The following MYO5B variants were observed in gnomAD, a reference collection of about 807,000 sequenced individuals.
MYO5B encodes the protein myosin VB.
In MYO5B, 143 loss-of-function variants were observed where a neutral mutation model predicts 229.3. The observed-to-expected ratio is 0.62, with a 90% confidence interval of 0.54 to 0.72. The LOEUF is 0.72. Ranked by LOEUF, MYO5B falls within the 30% of genes least tolerant of loss-of-function variation. MYO5B has a pLI of 0.00. For synonymous variants in MYO5B, 918 were observed against 885.2 expected (o/e 1.04, Z -0.66); for missense variants, 2,321 against 2,331.0 (o/e 1.00, Z 0.09).
intron 1 of MYO5B, among the ~76,000 whole-genome samples, chr18:50,061,898 G>A (rs1329196452): frequency 6.6e-6 from 1 of 152,148 alleles, no homozygotes; most frequent in Non-Finnish European, 1.5e-5. Context: ...AAGTATTTGA[G>A]TCATTTCAAC....
chr18:49,869,405 C>T (rs2024433410), intron 27 of MYO5B, among the ~76,000 whole-genome samples: 1 of 152,158 alleles, frequency 6.6e-6, no homozygotes, highest in African/African-American at 2.4e-5. Context: ...GTCCCCGGGA[C>T]CAGCCTCTGT....
chr18:50,126,107 C>T (rs1250819121), intron 1 of MYO5B, among the ~76,000 whole-genome samples: 1 of 152,092 alleles, frequency 6.6e-6, no homozygotes, highest in Non-Finnish European at 1.5e-5. Context: ...TGCCACTGAA[C>T]TGTATACTGA....
At chr18:50,043,874 G>T (rs981797388) in intron 2 of MYO5B, among the ~76,000 whole-genome samples, 2 of 151,566 alleles carry the variant, frequency 1.3e-5, no homozygotes, top group Non-Finnish European at 2.9e-5. Context: ...ATGATACAAT[G>T]GACTTTGGGG....
intron 10 of MYO5B, among the ~76,000 whole-genome samples, chr18:49,964,917 C>G (rs916818015): frequency 6.6e-6 from 1 of 152,200 alleles, no homozygotes; most frequent in African/African-American, 2.4e-5. Context: ...GGCAGGGGTC[C>G]TCCCTCAGGC....
intron 1 of MYO5B, among the ~76,000 whole-genome samples, chr18:50,175,965 C>T (rs899107416): frequency 1.3e-5 from 2 of 152,210 alleles, no homozygotes; most frequent in African/African-American, 4.8e-5. Flanking sequence ...ACATGAATTC[C>T]ACATGACAGC....
chr18:50,011,978 A>T (rs1430375045), intron 4 of MYO5B, among the ~76,000 whole-genome samples: 3 of 152,000 alleles, frequency 2.0e-5, no homozygotes, highest in African/African-American at 7.2e-5. Context: ...CAGCATAGGT[A>T]GTGTTCAGGG....
intron 18 of MYO5B, among the ~76,000 whole-genome samples, chr18:49,909,792 TTGTC>T (rs930677748): frequency 3.3e-5 from 5 of 152,118 alleles, no homozygotes; most frequent in African/African-American, 9.7e-5. Context: ...GAATACCACT[TTGTC>T]AGGCAGGCAA....
At chr18:50,037,034 A>C (rs2026456218) in intron 3 of MYO5B, 40 bp from the exon 4 acceptor site, 1 of 1,613,106 alleles carries the variant, frequency 6.2e-7, no homozygotes, top group Non-Finnish European at 8.5e-7. Flanking sequence ...ACAGCACAGA[A>C]GACACCTGGC....
At position 49,954,024 on chromosome 18, in the gene MYO5B, ATGTGTG is replaced by A. The variant is rs766610907; in HGVS notation, c.1668+283_1668+288del. 0.1 allele frequency among the ~76,000 whole-genome samples: 5,310 copies of A among 50,962 alleles called. 214 individuals carry two copies. Among genetic ancestry groups the A allele is most frequent in the African/African-American group, 0.19 (2,561 of 13,440 alleles). The allele number at this position is 50,962 out of a possible 152,430, so 33.4% of individuals were successfully genotyped here. A position where few individuals can be genotyped will look rare whatever the true frequency, so the allele number is the denominator to read the frequency against. ...GACATATATGTGTGTATGTATTTAT[ATGTGTG>A]TGTGTGTGTGTGTGTGTGTGTGTGT... On this transcript the variant is annotated intron_variant, in intron 13 of 39. Transcript: ENST00000285039.
chr18:49,864,712 T>C (rs1238805115), intron 27 of MYO5B, among the ~76,000 whole-genome samples: 1 of 152,242 alleles, frequency 6.6e-6, no homozygotes, highest in Non-Finnish European at 1.5e-5. Context: ...AAATGACATA[T>C]AGTAAACATA....
At chr18:50,036,599 C>T (rs974051418) in intron 4 of MYO5B, among the ~76,000 whole-genome samples, 1 of 152,130 alleles carries the variant, frequency 6.6e-6, no homozygotes, top group Non-Finnish European at 1.5e-5. Context: ...GGAATTTATT[C>T]CATTGCTCAA....
At chr18:49,861,335 G>T (rs1205149166) in intron 29 of MYO5B, among the ~76,000 whole-genome samples, 1 of 152,158 alleles carries the variant, frequency 6.6e-6, no homozygotes, top group Non-Finnish European at 1.5e-5. Context: ...CCTGACAACC[G>T]CTGCATGAAT....
At chr18:50,164,748 C>T (rs763327672) in intron 1 of MYO5B, among the ~76,000 whole-genome samples, 2 of 152,136 alleles carry the variant, frequency 1.3e-5, no homozygotes, top group African/African-American at 2.4e-5. Flanking sequence ...TCCCTCTTGC[C>T]ACCCCTCCAA....
intron 1 of MYO5B, among the ~76,000 whole-genome samples, chr18:50,079,532 C>T (rs1440861050): frequency 6.6e-6 from 1 of 152,186 alleles, no homozygotes; most frequent in Non-Finnish European, 1.5e-5. Context: ...GAGGCAGAGC[C>T]CTTCCCTCAA....
intron 10 of MYO5B, among the ~76,000 whole-genome samples, chr18:49,972,459 T>A (rs994445003): frequency 2.6e-5 from 4 of 152,182 alleles, no homozygotes; most frequent in African/African-American, 9.7e-5. Flanking sequence ...ACAACAGAAC[T>A]GAGGCATGGT....
chr18:49,940,373 A>G (rs1222623527), intron 14 of MYO5B, among the ~76,000 whole-genome samples: 1 of 152,138 alleles, frequency 6.6e-6, no homozygotes, highest in Non-Finnish European at 1.5e-5. Flanking sequence ...GCATACTAGA[A>G]CTGTTCTCAG....
At chr18:50,143,249 T>C (rs1286246209) in intron 1 of MYO5B, among the ~76,000 whole-genome samples, 1 of 152,056 alleles carries the variant, frequency 6.6e-6, no homozygotes, top group African/African-American at 2.4e-5. Context: ...AAAGAGGGGA[T>C]TGGACATTTA....
Position 49,906,423 on chromosome 18 carries a change from G to A in MYO5B, c.2410C>T (p.Arg804Cys), listed in dbSNP as rs377458597. 74 of 1,613,736 alleles carry A rather than the reference G, an allele frequency of 4.6e-5. No individual in the cohort carries two copies. Among genetic ancestry groups the A allele is most frequent in the South Asian group, 7.7e-5 (7 of 91,072 alleles). ...LQRYCRGHLA[R>C]RLAEHLRRIR... ...AGCTGCCACAGTCTGGCTCACCTGC[G>A]GGCCAGGTGTCCCCGGCAGTACCTC... Residue 804 changes from arginine to cysteine, a missense_variant, in exon 19 of 40, where the codon CGC becomes TGC. Transcript: ENST00000285039.
At chr18:50,043,337 A>G (rs1464797607) in intron 2 of MYO5B, among the ~76,000 whole-genome samples, 1 of 83,610 alleles carries the variant, frequency 1.2e-5, no homozygotes, top group Non-Finnish European at 2.3e-5. Flanking sequence ...TATTTTATAT[A>G]TTTATATTAT....
Sources: gnomAD v4.1 joint callset for allele counts (sites outside exome capture counted in the v4.1 genomes callset) on GRCh38, gnomAD v4.1.1 for gene constraint, MANE v1.5 for transcripts, NCBI Gene and HGNC (gene_info 2026-07-23, HGNC 2026-07-21) for gene names.